SGCZ: variants seen among roughly 807,000 people sequenced by gnomAD.
SGCZ encodes the protein zeta-sarcoglycan.
A neutral mutation model predicts 41.3 loss-of-function variants in SGCZ; 40 were observed. The ratio of observed to expected loss-of-function variants is 0.97; its 90% CI spans 0.75 to 1.26. The LOEUF (loss-of-function observed/expected upper bound fraction) is 1.26, where lower values mean the gene tolerates loss of function less well. SGCZ is among the 50% of genes most tolerant of loss of function. The pLI is 0.00. For missense variants in SGCZ, 552 were observed against 369.8 expected, an observed-to-expected ratio of 1.49 and a Z score of -4.04; for synonymous variants, 206 against 137.5, an observed-to-expected ratio of 1.50 and a Z score of -3.49.
Position 14,134,944 on chromosome 8 carries a change from T to TATTA in SGCZ, c.548-26713_548-26710dup, listed in dbSNP as rs113387614. Among the ~76,000 whole-genome samples the TATTA allele has an allele frequency of 8.7e-4, 133 of 152,326 alleles. 1 individual carries two copies. Among genetic ancestry groups the TATTA allele is most frequent in the African/African-American group, 3.1e-3 (127 of 41,578 alleles). ...AAAACTTTAACATAAATTATTATGTTATTATTGAAACACACAGTAGCGTAT... is the reference window on the plus strand; with the variant it reads ...AAAACTTTAACATAAATTATTATGTTATTAATTATTGAAACACACAGTAGCGTAT... On this transcript the variant is annotated intron_variant, in intron 5 of 7. Coordinates refer to ENST00000382080, the MANE Select transcript of SGCZ (RefSeq NM_139167.4).
intron 1 of SGCZ, among the ~76,000 whole-genome samples, chr8:15,136,548 T>A (rs1808112821): frequency 6.6e-6 from 1 of 152,078 alleles, no homozygotes; most frequent in Non-Finnish European, 1.5e-5. Flanking sequence ...TCCTCAGGTG[T>A]CATGGGAGGA....
chr8:14,419,611 T>G (rs1398671908), intron 2 of SGCZ, among the ~76,000 whole-genome samples: 1 of 152,008 alleles, frequency 6.6e-6, no homozygotes, highest in Non-Finnish European at 1.5e-5. Flanking sequence ...AAAGGCCTAT[T>G]TTAAATTATT....
chr8:14,904,058 T>G (rs1049887871), intron 1 of SGCZ, among the ~76,000 whole-genome samples: 5 of 152,090 alleles, frequency 3.3e-5, no homozygotes, highest in Non-Finnish European at 7.4e-5. Flanking sequence ...AGGTATTAAC[T>G]TGTTGATAAA....
chr8:14,250,038 T>C (rs1799233183), intron 3 of SGCZ, among the ~76,000 whole-genome samples: 1 of 152,236 alleles, frequency 6.6e-6, no homozygotes, highest in Admixed American at 6.5e-5. Flanking sequence ...TCTGAAGATA[T>C]TTCTAAATGA....
intron 1 of SGCZ, among the ~76,000 whole-genome samples, chr8:14,655,632 A>T (rs1807541268): frequency 6.6e-6 from 1 of 152,104 alleles, no homozygotes; most frequent in Non-Finnish European, 1.5e-5. Flanking sequence ...TCTTTACCCA[A>T]TTTCACCCAA....
intron 2 of SGCZ, among the ~76,000 whole-genome samples, chr8:14,352,045 G>C (rs1039396004): frequency 6.6e-6 from 1 of 152,072 alleles, no homozygotes; most frequent in Admixed American, 6.6e-5. Flanking sequence ...TAGTAGAATA[G>C]TTGTAAACAG....
chr8:14,467,830 ATCT>A (rs1288306250), intron 2 of SGCZ, among the ~76,000 whole-genome samples: 2 of 152,080 alleles, frequency 1.3e-5, no homozygotes, highest in African/African-American at 4.8e-5. Flanking sequence ...TGAAAATGAC[ATCT>A]TCTTAAATCA....
chr8:14,449,446 T>G (rs1800528072), intron 2 of SGCZ, among the ~76,000 whole-genome samples: 1 of 152,154 alleles, frequency 6.6e-6, no homozygotes, highest in Admixed American at 6.6e-5. Context: ...AAAGCATGCC[T>G]TCAGTTTGTA....
rs142933320 is a variant in SGCZ, at chr8:14,912,188, A to G, written c.39+325397T>C. 4.2e-3 allele frequency among the ~76,000 whole-genome samples: 639 copies of G among 152,172 alleles called. 6 individuals are homozygous for G. Among genetic ancestry groups the G allele is most frequent in the African/African-American group, 0.015 (617 of 41,582 alleles). On this transcript the variant is annotated intron_variant, in intron 1 of 7. Coordinates refer to ENST00000382080, the MANE Select transcript of SGCZ (RefSeq NM_139167.4). ...CCTAGAGATACAACAAGAAAACATT[A>G]CCTTTGGAAGTCCTTCTCAGAAGAT...
At position 14,889,403 on chromosome 8, in the gene SGCZ, G is replaced by C. The variant is rs189116969; in HGVS notation, c.40-334477C>G. The stretch of plus-strand genomic sequence containing the variant: ...ACTCTGAACCTTAATTTTGTATTGA[G>C]AATAAAACGCCTAATTAGATAATCC... On this transcript the variant is annotated intron_variant, in intron 1 of 7. Coordinates refer to ENST00000382080, the MANE Select transcript of SGCZ (RefSeq NM_139167.4). Among the ~76,000 whole-genome samples the C allele has an allele frequency of 9.6e-3, 1,459 of 152,120 alleles. 17 individuals are homozygous for C. Among genetic ancestry groups the C allele is most frequent in the Non-Finnish European group, 0.015 (1,014 of 67,984 alleles).
intron 5 of SGCZ, among the ~76,000 whole-genome samples, chr8:14,133,826 C>T (rs1803115050): frequency 6.6e-6 from 1 of 152,076 alleles, no homozygotes; most frequent in African/African-American, 2.4e-5. Context: ...TTAACCTCAA[C>T]ATGTATTTTA....
chr8:14,098,999 G>A (rs1454317382), intron 7 of SGCZ, among the ~76,000 whole-genome samples: 1 of 152,246 alleles, frequency 6.6e-6, no homozygotes, highest in African/African-American at 2.4e-5. Flanking sequence ...AAGTTTCTGA[G>A]ATCCAAACCA....
At chr8:14,211,865 G>A (rs546622316) in intron 4 of SGCZ, among the ~76,000 whole-genome samples, 1 of 152,156 alleles carries the variant, frequency 6.6e-6, no homozygotes, top group Admixed American at 6.5e-5. Context: ...AAGATCAAGA[G>A]GACAGATGTC....
At chr8:14,358,257 T>C (rs1444153838) in intron 2 of SGCZ, among the ~76,000 whole-genome samples, 1 of 152,228 alleles carries the variant, frequency 6.6e-6, no homozygotes, top group Non-Finnish European at 1.5e-5. Context: ...GTAATTATAA[T>C]ATTTTTAGAT....
chr8:14,214,537 G>T (rs1366667273), intron 4 of SGCZ, among the ~76,000 whole-genome samples: 2 of 152,144 alleles, frequency 1.3e-5, no homozygotes, highest in East Asian at 3.9e-4. Flanking sequence ...CTATAAGTCT[G>T]CAAATGCAAA....
chr8:14,877,699 T>C (rs1804415034), intron 1 of SGCZ, among the ~76,000 whole-genome samples: 1 of 152,150 alleles, frequency 6.6e-6, no homozygotes. Context: ...TCTTTTTAAC[T>C]TATCCATCCA....
chr8:14,258,283 A>G (rs1209732850), intron 3 of SGCZ, among the ~76,000 whole-genome samples: 1 of 152,312 alleles, frequency 6.6e-6, no homozygotes, highest in Middle Eastern at 3.4e-3. Context: ...CATTAAACTT[A>G]CACCATTAAT....
intron 1 of SGCZ, among the ~76,000 whole-genome samples, chr8:14,901,033 T>C (rs1474753522): frequency 6.6e-6 from 1 of 152,204 alleles, no homozygotes; most frequent in Non-Finnish European, 1.5e-5. Context: ...GATATTCTAA[T>C]AACATATCAT....
At chr8:14,174,361 A>C (rs928752084) in intron 4 of SGCZ, among the ~76,000 whole-genome samples, 12 of 152,300 alleles carry the variant, frequency 7.9e-5, no homozygotes, top group African/African-American at 2.9e-4. Context: ...TTATTTTACA[A>C]GGATGCCAAA....
Sources: allele counts gnomAD v4.1 joint callset (sites outside exome capture counted in the v4.1 genomes callset), GRCh38; gene constraint gnomAD v4.1.1; transcripts MANE v1.5; gene names NCBI Gene and HGNC (gene_info 2026-07-23, HGNC 2026-07-21).